Variants in FOXP2 observed in about 807,000 individuals in gnomAD.
FOXP2 encodes forkhead box protein P2.
A neutral mutation model predicts 115.8 loss-of-function variants in FOXP2; 12 were observed. The observed-to-expected ratio is 0.10, with a 90% CI of 0.07 to 0.17. FOXP2 has a LOEUF of 0.17. Among genes scored for constraint, FOXP2 ranks in the 10% least tolerant of loss-of-function variants. FOXP2 has a pLI of 1.00. For missense variants in FOXP2, 629 were observed against 843.5 expected (o/e 0.75, Z 3.15); for synonymous variants, 328 against 297.7 (o/e 1.10, Z -1.05).
chr7:114,481,241 C>G, intron 2 of FOXP2, among the ~76,000 whole-genome samples: 1 of 150,724 alleles, frequency 6.6e-6, no homozygotes, highest in Non-Finnish European at 1.5e-5. Context: ...CCCTCCTGCC[C>G]CCTCATGTAC....
chr7:114,136,286 C>T (rs919241912), intron 1 of FOXP2, among the ~76,000 whole-genome samples: 1 of 152,018 alleles, frequency 6.6e-6, no homozygotes, highest in African/African-American at 2.4e-5. Context: ...CTACTCAATA[C>T]TGATTATATC....
chr7:114,664,372 G>T lies in FOXP2; in HGVS notation c.1939G>T (p.Gly647Cys). The T allele has an allele frequency of 6.2e-7, 1 of 1,613,604 alleles. No individual in the cohort carries two copies. The highest frequency in any genetic ancestry group is 1.3e-5 in the African/African-American group (1 of 74,984). ...GCAGGCCGTCCACGAAGACCTCAAT[G>T]GTTCTCTGGATCACATTGACAGCAA... ...LLQAVHEDLN[G>C]SLDHIDSNGN... The change falls in exon 16 of 17, where the codon GGT becomes TGT. Residue 647 changes from glycine (G) to cysteine (C), a missense_variant. Around this residue, in one of 9 missense-constraint regions of FOXP2, gnomAD observed 117 missense variants for 112.3 expected, o/e 1.04. Transcript: ENST00000350908.
At chr7:114,361,680 C>T (rs747302693) in intron 2 of FOXP2, among the ~76,000 whole-genome samples, 6 of 152,040 alleles carry the variant, frequency 3.9e-5, no homozygotes, top group Non-Finnish European at 7.4e-5. Context: ...CCTTTGATAA[C>T]ATCTCAAGTC....
chr7:114,666,622 C>G (rs1482343878), intron 16 of FOXP2: 4 of 152,114 alleles, frequency 2.6e-5, no homozygotes, highest in Non-Finnish European at 5.9e-5. Flanking sequence ...ATACTTATAT[C>G]TCCTAAAATG....
At chr7:114,215,507 A>G (rs1440193278) in intron 1 of FOXP2, among the ~76,000 whole-genome samples, 1 of 152,170 alleles carries the variant, frequency 6.6e-6, no homozygotes, top group African/African-American at 2.4e-5. Flanking sequence ...ATGTAAGCCT[A>G]TAATTTTTTT....
intron 2 of FOXP2, among the ~76,000 whole-genome samples, chr7:114,383,427 T>C (rs10244257): frequency 0.48 from 72,623 of 151,760 alleles, 18,796 homozygotes; most frequent in African/African-American, 0.66. Context: ...GGGGTCCTTA[T>C]TAGTTGGGGA....
chr7:114,459,173 C>T (rs578132796), intron 2 of FOXP2, among the ~76,000 whole-genome samples: 7 of 152,250 alleles, frequency 4.6e-5, no homozygotes, highest in South Asian at 4.1e-4. Context: ...CCAGAACTGG[C>T]AAAGCAGCAC....
At chr7:114,176,298 T>TTCTTTCTTTCTCTCTCTCTCTCTCTC (rs368923204) in intron 1 of FOXP2, among the ~76,000 whole-genome samples, 10 of 76,574 alleles carry the variant, frequency 1.3e-4, no homozygotes, top group African/African-American at 5.4e-4. Context: ...CTTTCTTTCT[T>TTCTTTCTTTCTCTCTCTCTCTCTCTC]TCTCTCTCTC....
intron 1 of FOXP2, among the ~76,000 whole-genome samples, chr7:114,104,986 G>A (rs985129961): frequency 1.2e-4 from 18 of 151,958 alleles, no homozygotes; most frequent in African/African-American, 4.1e-4. Context: ...TCCCATGGAC[G>A]TCTGATCTGT....
intron 1 of FOXP2, among the ~76,000 whole-genome samples, chr7:114,140,115 A>C (rs1173310141): frequency 6.6e-6 from 1 of 152,152 alleles, no homozygotes; most frequent in Non-Finnish European, 1.5e-5. Flanking sequence ...TGTGTTTCAA[A>C]AAAAAATTGT....
chr7:114,119,770 T>C (rs1258248836), intron 1 of FOXP2, among the ~76,000 whole-genome samples: 1 of 152,158 alleles, frequency 6.6e-6, no homozygotes, highest in Non-Finnish European at 1.5e-5. Flanking sequence ...TATCTTAAAA[T>C]ACAGTTGGTA....
At chr7:114,249,369 C>G (rs905048641) in intron 1 of FOXP2, among the ~76,000 whole-genome samples, 3 of 152,076 alleles carry the variant, frequency 2.0e-5, no homozygotes, top group South Asian at 2.1e-4. Flanking sequence ...CCTTCCCCCC[C>G]GTTCCCCCCA....
intron 2 of FOXP2, among the ~76,000 whole-genome samples, chr7:114,484,865 G>A (rs546143070): frequency 9.2e-5 from 14 of 151,580 alleles, no homozygotes; most frequent in African/African-American, 3.1e-4. Flanking sequence ...TAGCTTTTTG[G>A]GTTATTTTTT....
chr7:114,584,362 C>T (rs529027250), intron 3 of FOXP2, among the ~76,000 whole-genome samples: 2 of 152,114 alleles, frequency 1.3e-5, no homozygotes, highest in Admixed American at 1.3e-4. Flanking sequence ...TCAGCTCCAT[C>T]CACTGCAAAC....
intron 1 of FOXP2, among the ~76,000 whole-genome samples, chr7:114,274,322 G>A (rs1269058235): frequency 2.0e-5 from 3 of 151,904 alleles, no homozygotes; most frequent in Non-Finnish European, 2.9e-5. Context: ...TATTTTGAAT[G>A]AACTGTTATA....
intron 3 of FOXP2, chr7:114,538,264 A>G (rs1799492883): frequency 6.1e-6 from 7 of 1,147,698 alleles, no homozygotes; most frequent in Non-Finnish European, 7.1e-6. Context: ...CCTATGACAA[A>G]TCTACTTAAT....
At chr7:114,385,435 A>C (rs1490433202) in intron 2 of FOXP2, among the ~76,000 whole-genome samples, 1 of 152,200 alleles carries the variant, frequency 6.6e-6, no homozygotes, top group Non-Finnish European at 1.5e-5. Context: ...TGCTGAGTAG[A>C]GAATTCTGGC....
intron 2 of FOXP2, among the ~76,000 whole-genome samples, chr7:114,476,895 G>T (rs1403276563): frequency 6.6e-6 from 1 of 151,844 alleles, no homozygotes; most frequent in African/African-American, 2.4e-5. Context: ...CAAATAATAT[G>T]CAAAAGTGCT....
Position 114,691,896 on chromosome 7 carries a change from A to C in FOXP2, c.*1970A>C, listed in dbSNP as rs1395499005. 1 of 450,796 alleles carries C rather than the reference A, an allele frequency of 2.2e-6. No individual in the cohort carries two copies. The highest frequency in any genetic ancestry group is 4.4e-6 in the Non-Finnish European group (1 of 226,000). The allele number at this position is 450,796 out of a possible 1,614,324, so 27.9% of individuals were successfully genotyped here. On this transcript the variant is annotated 3_prime_UTR_variant, in exon 17 of 17. Transcript: ENST00000350908. ...GGCTTTCAAAAGGGTTTTCCCACTT[A>C]CCCAAAAGGCTTTCTGAAAGCTTCT... is the stretch of plus-strand genomic sequence containing the variant.
Sources: allele counts gnomAD v4.1 joint callset (sites outside exome capture counted in the v4.1 genomes callset), GRCh38; gene constraint gnomAD v4.1.1; regional missense constraint gnomAD v4.1.1; transcripts MANE v1.5; gene names NCBI Gene and HGNC (gene_info 2026-07-23, HGNC 2026-07-21).